The following TUSC3 variants were observed in gnomAD, a reference collection of about 807,000 sequenced individuals.
TUSC3 encodes the protein tumor suppressor candidate 3, also known as dolichyl-diphosphooligosaccharide--protein glycosyltransferase subunit TUSC3.
TUSC3 carries 45 observed loss-of-function variants against 44.8 expected under a neutral mutation model. That is an observed-to-expected ratio of 1.00 (90% CI 0.79 to 1.29). The LOEUF is 1.29. Among genes scored for constraint, TUSC3 ranks in the 50% most tolerant of loss-of-function variants. The pLI is 0.00. For missense variants in TUSC3, 519 were observed against 437.9 expected (o/e 1.19, Z -1.65); for synonymous variants, 212 against 152.9 (o/e 1.39, Z -2.85).
chr8:15,723,226 C>G (rs1475586259), intron 6 of TUSC3, among the ~76,000 whole-genome samples: 1 of 152,050 alleles, frequency 6.6e-6, no homozygotes, highest in Non-Finnish European at 1.5e-5. Context: ...TACTCCACAA[C>G]AGATCGTGCA....
At chr8:15,848,631 G>C in the TUSC3 span, among the ~76,000 whole-genome samples, 1 of 152,132 alleles carries the variant, frequency 6.6e-6, no homozygotes, top group Non-Finnish European at 1.5e-5. Flanking sequence ...TGGGTGATCT[G>C]TCTTATGGAC....
chr8:15,637,148 A>G (rs1363851103), intron 2 of TUSC3, among the ~76,000 whole-genome samples: 2 of 152,148 alleles, frequency 1.3e-5, no homozygotes, highest in Admixed American at 6.5e-5. Context: ...TTAAAATACC[A>G]GTTCTATTTC....
chr8:15,436,984 A>G (rs1799955870), intron 1 of TUSC3, among the ~76,000 whole-genome samples: 1 of 152,192 alleles, frequency 6.6e-6, no homozygotes, highest in African/African-American at 2.4e-5. Context: ...AATAGTACAC[A>G]ACTGGCTATT....
chr8:15,626,888 G>A (rs1210592187), intron 2 of TUSC3, among the ~76,000 whole-genome samples: 1 of 152,182 alleles, frequency 6.6e-6, no homozygotes, highest in African/African-American at 2.4e-5. Flanking sequence ...AGAACAACCT[G>A]GGCACCATGA....
chr8:15,638,727 T>C (rs1311926418), intron 2 of TUSC3, among the ~76,000 whole-genome samples: 3 of 152,116 alleles, frequency 2.0e-5, no homozygotes, highest in Non-Finnish European at 4.4e-5. Context: ...GGTTTCACCA[T>C]GTTGGCCAGG....
chr8:15,504,407 C>A (rs1801015894), intron 2 of TUSC3, among the ~76,000 whole-genome samples: 1 of 151,602 alleles, frequency 6.6e-6, no homozygotes, highest in Non-Finnish European at 1.5e-5. Flanking sequence ...TAGGCGTAAA[C>A]ACCCAACAAG....
At chr8:15,748,676 G>A in intron 9 of TUSC3, 2 of 700,064 alleles carry the variant, frequency 2.9e-6, no homozygotes, top group South Asian at 1.4e-5. Context: ...ACAGCATGTA[G>A]TTTCTTTCTA....
chr8:15,500,008 A>G (rs1294793422), intron 2 of TUSC3, among the ~76,000 whole-genome samples: 1 of 152,116 alleles, frequency 6.6e-6, no homozygotes, highest in African/African-American at 2.4e-5. Context: ...TCCTTCAATA[A>G]TTTTATTTTC....
chr8:15,766,807 T>C (rs192052289), downstream of TUSC3, among the ~76,000 whole-genome samples: 68 of 152,180 alleles, frequency 4.5e-4, no homozygotes, highest in East Asian at 3.7e-3. Flanking sequence ...CAAACCTCCC[T>C]AAGGGTACGT....
intron 1 of TUSC3, among the ~76,000 whole-genome samples, chr8:15,450,242 G>A (rs576381695): frequency 4.0e-5 from 6 of 151,824 alleles, no homozygotes; most frequent in African/African-American, 1.4e-4. Flanking sequence ...TTTTCTTTTA[G>A]AAGAATCAGG....
rs1801260388 is a variant in TUSC3, at chr8:15,519,130, A to G, written n.189+35647A>G. On this transcript the variant is annotated intron_variant and non_coding_transcript_variant, in intron 2 of 5. Transcript: ENST00000503191. ...ACATCTACTGACATTAAGATTTATT[A>G]CTCATTTTTTAATTAAATTGTTGAA... Among the ~76,000 whole-genome samples the G allele has an allele frequency of 2.0e-5, 3 of 152,190 alleles. No homozygotes were observed. In the South Asian group the frequency reaches 6.2e-4, roughly 32 times the overall value.
intron 2 of TUSC3, among the ~76,000 whole-genome samples, chr8:15,523,091 CT>C (rs1187401856): frequency 3.3e-5 from 5 of 152,240 alleles, no homozygotes; most frequent in African/African-American, 1.2e-4. Context: ...GTAAGTGCTA[CT>C]AAGTCAATAA....
intron 6 of TUSC3, among the ~76,000 whole-genome samples, chr8:15,722,641 G>A (rs1810344518): frequency 6.6e-6 from 1 of 152,022 alleles, no homozygotes; most frequent in African/African-American, 2.4e-5. Context: ...TTCACTTCAT[G>A]TATACAGAAT....
intron 5 of TUSC3, among the ~76,000 whole-genome samples, chr8:15,666,103 A>C (rs1807647821): frequency 6.6e-6 from 1 of 151,540 alleles, no homozygotes; most frequent in African/African-American, 2.4e-5. Context: ...TTGAGAAAAC[A>C]ATATTGACTT....
At chr8:15,771,837 C>G in the TUSC3 span, among the ~76,000 whole-genome samples, 1 of 151,972 alleles carries the variant, frequency 6.6e-6, no homozygotes, top group Non-Finnish European at 1.5e-5. Flanking sequence ...GCCTGTAATC[C>G]CAGCACTTTG....
the TUSC3 span, among the ~76,000 whole-genome samples, chr8:15,776,680 T>C: frequency 6.6e-6 from 1 of 152,200 alleles, no homozygotes; most frequent in African/African-American, 2.4e-5. Flanking sequence ...CTCATCCCTA[T>C]ACTCAATAAT....
chr8:15,454,083 C>T (rs1293610617), intron 1 of TUSC3, among the ~76,000 whole-genome samples: 1 of 152,290 alleles, frequency 6.6e-6, no homozygotes, highest in Admixed American at 6.5e-5. Context: ...GCATGCTCCC[C>T]TCCCAAGTGC....
the TUSC3 span, among the ~76,000 whole-genome samples, chr8:15,779,941 G>A: frequency 1.3e-5 from 2 of 152,054 alleles, no homozygotes; most frequent in South Asian, 4.1e-4. Flanking sequence ...CAAAACGAGC[G>A]GTCTTTCTCA....
chr8:15,494,596 C>T (rs1390922380), intron 2 of TUSC3, among the ~76,000 whole-genome samples: 1 of 152,164 alleles, frequency 6.6e-6, no homozygotes, highest in Non-Finnish European at 1.5e-5. Flanking sequence ...GGATTAGAGG[C>T]GTGAGCCACC....
Sources: gnomAD v4.1 joint callset for allele counts (sites outside exome capture counted in the v4.1 genomes callset) on GRCh38, gnomAD v4.1.1 for gene constraint, MANE v1.5 for transcripts, NCBI Gene and HGNC (gene_info 2026-07-23, HGNC 2026-07-21) for gene names.